The following DNM1 variants were observed in gnomAD, a reference collection of about 807,000 sequenced individuals.
DNM1 encodes the protein dynamin-1.
Under a neutral mutation model 104.6 loss-of-function variants are expected in DNM1, and 29 were observed. That is an observed-to-expected ratio of 0.28 (90% confidence interval 0.21 to 0.38). The LOEUF (loss-of-function observed/expected upper bound fraction) is 0.38, where lower values mean the gene tolerates loss of function less well. Among genes scored for constraint, DNM1 ranks in the 10% least tolerant of loss-of-function variants. The probability of loss-of-function intolerance (pLI) is 1.00; values close to 1 mark genes in which losing one functional copy is unlikely to be tolerated. For synonymous variants in DNM1, 445 were observed against 475.8 expected, an observed-to-expected ratio of 0.94 and a Z score of 0.84; for missense variants, 640 against 1,189.4, an observed-to-expected ratio of 0.54 and a Z score of 6.79.
chr9:128,211,562 T>G (rs1188186163), intron 1 of DNM1, among the ~76,000 whole-genome samples: 5 of 143,998 alleles, frequency 3.5e-5, no homozygotes, highest in East Asian at 2.2e-4. Context: ...TCAAGCCAGG[T>G]CTCAAACTCC....
Position 128,218,312 on chromosome 9 carries a change from C to T in DNM1, c.235+8C>T, listed in dbSNP as rs370555560. Reference sequence around the variant, plus strand: ...TGGTCAATGCAACCACAGGTACGTGCCCTCCTTCACCAGCAGCCAGGCCTG... The same window carrying T: ...TGGTCAATGCAACCACAGGTACGTGTCCTCCTTCACCAGCAGCCAGGCCTG... On this transcript the variant is annotated splice_region_variant and intron_variant, in intron 2 of 21. Coordinates refer to ENST00000372923, the MANE Select transcript of DNM1 (RefSeq NM_004408.4). This position sits in a 1 kb window ranked among gnomAD's most constrained non-coding sequence, Gnocchi z 4.8. 243 of 1,613,888 alleles carry T rather than the reference C, an allele frequency of 1.5e-4. No homozygotes were observed. Among genetic ancestry groups the T allele is most frequent in the Non-Finnish European group, 1.9e-4 (226 of 1,179,870 alleles).
chr9:128,217,370 A>G (rs901629212), intron 1 of DNM1, among the ~76,000 whole-genome samples: 1 of 152,168 alleles, frequency 6.6e-6, no homozygotes, highest in Non-Finnish European at 1.5e-5. Flanking sequence ...GAGCCCCACT[A>G]AGCGCCTGGC....
chr9:128,206,177 T>C (rs1193149781), intron 1 of DNM1, among the ~76,000 whole-genome samples: 1 of 152,014 alleles, frequency 6.6e-6, no homozygotes, highest in East Asian at 1.9e-4. Flanking sequence ...CTCCTGGGGC[T>C]TCCCAGGAGC....
intron 15 of DNM1, chr9:128,244,675 T>C (rs993242253): frequency 2.0e-6 from 1 of 502,704 alleles, no homozygotes; most frequent in Non-Finnish European, 4.2e-6. Context: ...GCTCCGGTTC[T>C]GGGATGGCAG....
rs1484030185 is a variant in DNM1, at chr9:128,220,001, C to T, written c.603C>T (p.Ile201=). 4 of 1,585,514 alleles carry T rather than the reference C, an allele frequency of 2.5e-6. No individual in the cohort carries two copies. The highest frequency in any genetic ancestry group is 2.7e-5 in the African/African-American group (2 of 74,254). Residue 201 remains isoleucine, a synonymous_variant, in exon 5 of 22, where the codon ATC becomes ATT. Coordinates refer to ENST00000372923, the MANE Select transcript of DNM1 (RefSeq NM_004408.4). The surrounding 1 kb of genome is among the most constrained non-coding windows in gnomAD (Gnocchi z 5.2). ...KEVDPQGQRT[I]GVITKLDLMD... The stretch of plus-strand genomic sequence containing the variant: ...TGGTGCACCCAGGCCAGCGCACCAT[C>T]GGGGTCATCACCAAGCTGGACCTGA...
In DNM1 at chr9:128,250,208, C is replaced by A. The variant is rs1386035686; in HGVS notation, c.2170C>A (p.Arg724=). 6.2e-7 allele frequency: 1 copy of A among 1,614,158 alleles called. No individual in the cohort carries two copies. Among genetic ancestry groups the A allele is most frequent in the South Asian group, 1.1e-5 (1 of 91,076 alleles). The change falls in exon 20 of 22, where the codon CGG becomes AGG. Residue 724 remains arginine, a synonymous_variant. Transcript: ENST00000372923. ...GGAGGAGTCGGCGGAGCAGGCACAG[C>A]GGCGCGACGAGATGCTGCGCATGTA... The part of the protein sequence containing the change: ...LMEESAEQAQ[R]RDEMLRMYHA...
At position 128,245,368 on chromosome 9, in the gene DNM1, C is replaced by T; in HGVS notation, c.1672-1026C>T. On this transcript the variant is annotated intron_variant, in intron 15 of 21. Transcript: ENST00000372923. The surrounding 1 kb of genome is among the most constrained non-coding windows in gnomAD (Gnocchi z 5.2). ...ATCCTAGGCAAGGCTCATGCCCAACCTCTTTGAGTCCCCGAGGCCCACACA... is the reference window on the plus strand; with the variant it reads ...ATCCTAGGCAAGGCTCATGCCCAACTTCTTTGAGTCCCCGAGGCCCACACA... Among the ~76,000 whole-genome samples, 2 of 151,988 alleles carry T rather than the reference C, an allele frequency of 1.3e-5. No individual in the cohort carries two copies. Among genetic ancestry groups the T allele is most frequent in the Non-Finnish European group, 2.9e-5 (2 of 67,954 alleles).
In DNM1 at chr9:128,234,162, G is replaced by T. The variant is rs1010318843; in HGVS notation, c.1422+55G>T. 3 of 1,416,172 alleles carry T rather than the reference G, an allele frequency of 2.1e-6. No individual in the cohort carries two copies. In the African/African-American group the frequency reaches 4.3e-5, roughly 20 times the overall value. The allele number at this position is 1,416,172 out of a possible 1,614,324, so 87.7% of individuals were successfully genotyped here. A position where few individuals can be genotyped will look rare whatever the true frequency, so the allele number is the denominator to read the frequency against. ...GCCTTCCTTCCACTCCTGGCCGCCT[G>T]CGCCTTCCACTCCTGGCCCTGGGGT... On this transcript the variant is annotated intron_variant, in intron 11 of 21. Transcript: ENST00000372923.
intron 10 of DNM1, among the ~76,000 whole-genome samples, chr9:128,231,653 A>G (rs1440039870): frequency 2.0e-5 from 3 of 152,308 alleles, no homozygotes; most frequent in South Asian, 2.1e-4. Flanking sequence ...ATGAGTGTTA[A>G]TAAGTGAACT....
chr9:128,207,377 G>A (rs1332046726), intron 1 of DNM1, among the ~76,000 whole-genome samples: 1 of 150,754 alleles, frequency 6.6e-6, no homozygotes, highest in African/African-American at 2.4e-5. Flanking sequence ...AGTGTAGATG[G>A]GGGAGTGTTT....
In DNM1 at chr9:128,220,726, AGT is replaced by A. The variant is rs1491295711; in HGVS notation, c.849+387_849+388del. On this transcript the variant is annotated intron_variant, in intron 6 of 21. Coordinates refer to ENST00000372923, the MANE Select transcript of DNM1 (RefSeq NM_004408.4). The surrounding 1 kb of genome is among the most constrained non-coding windows in gnomAD (Gnocchi z 5.2). ...TCTGGAATGGGGCATCCAGAACTGAAGTGCGCGCGCGCGCGCGTGTGTGTGTG... is the reference window on the plus strand; with the variant it reads ...TCTGGAATGGGGCATCCAGAACTGAAGCGCGCGCGCGCGCGTGTGTGTGTG... 0.23 allele frequency among the ~76,000 whole-genome samples: 30,577 copies of A among 132,932 alleles called. 4,569 individuals carry two copies. The highest frequency in any genetic ancestry group is 0.48 in the East Asian group (1,745 of 3,630). The allele number at this position is 132,932 out of a possible 152,430, so 87.2% of individuals were successfully genotyped here.
At position 128,218,308 on chromosome 9, in the gene DNM1, C is replaced by T. The variant is rs2131148809; in HGVS notation, c.235+4C>T. On this transcript the variant is annotated splice_donor_region_variant and intron_variant, in intron 2 of 21. Transcript: ENST00000372923. The surrounding 1 kb of genome is among the most constrained non-coding windows in gnomAD (Gnocchi z 4.8). ...CAGCTGGTCAATGCAACCACAGGTA[C>T]GTGCCCTCCTTCACCAGCAGCCAGG... 6.2e-7 allele frequency: 1 copy of T among 1,614,092 alleles called. No individual in the cohort carries two copies. Among genetic ancestry groups the T allele is most frequent in the Non-Finnish European group, 8.5e-7 (1 of 1,179,954 alleles).
intron 21 of DNM1, chr9:128,252,500 G>A: frequency 2.5e-6 from 1 of 399,942 alleles, no homozygotes; most frequent in South Asian, 1.9e-5. Flanking sequence ...TGCAGTGTGG[G>A]CAGAGGTGTA....
chr9:128,226,195 G>T lies in DNM1; in HGVS notation c.1335+1806G>T, dbSNP rs1564335787. 3.1e-6 allele frequency: 5 copies of T among 1,611,892 alleles called. No homozygotes were observed. The South Asian group carries it at 4.4e-5, about 14-fold the overall frequency. ...AAAGGTATGACGGCCGCCTGGGCGG[G>T]GCTGGGCCTGGCCGTCCATTCCTTG... On this transcript the variant is annotated intron_variant, in intron 10 of 21. Transcript: ENST00000372923.
intron 1 of DNM1, among the ~76,000 whole-genome samples, chr9:128,205,316 G>C (rs1833868391): frequency 6.6e-6 from 1 of 152,192 alleles, no homozygotes; most frequent in African/African-American, 2.4e-5. Context: ...GCTTGGGGTA[G>C]GGAGGGGACC....
At position 128,242,306 on chromosome 9, in the gene DNM1, G is replaced by A. The variant is rs1479913087; in HGVS notation, c.1632G>A (p.Val544=). The change falls in exon 15 of 22, where the codon GTG becomes GTA. Residue 544 remains valine, a synonymous_variant. Transcript: ENST00000372923. ...MKGGSKEYWF[V]LTAENLSWYK... is the part of the protein sequence containing the mutation. ...GGGGCTCCAAGGAGTACTGGTTTGTGCTGACTGCTGAGAATCTGTCCTGGT... is the reference window on the plus strand; with the variant it reads ...GGGGCTCCAAGGAGTACTGGTTTGTACTGACTGCTGAGAATCTGTCCTGGT... 6.2e-7 allele frequency: 1 copy of A among 1,611,670 alleles called. No individual in the cohort carries two copies.
chr9:128,207,499 C>T (rs1834040555), intron 1 of DNM1, among the ~76,000 whole-genome samples: 1 of 152,050 alleles, frequency 6.6e-6, no homozygotes, highest in African/African-American at 2.4e-5. Context: ...CCGCTACACC[C>T]CCCACCCCAG....
At chr9:128,228,626 G>A (rs552558142) in intron 10 of DNM1, among the ~76,000 whole-genome samples, 1 of 152,306 alleles carries the variant, frequency 6.6e-6, no homozygotes, top group East Asian at 1.9e-4. Context: ...AACAATCGCA[G>A]AGAAAGAAAA....
chr9:128,219,936 T>C, intron 4 of DNM1, 52 bp from the exon 5 acceptor site: 1 of 1,431,442 alleles, frequency 7.0e-7, no homozygotes, highest in South Asian at 1.3e-5. Flanking sequence ...TGCATGGAAT[T>C]GTGTGTGAGA....
Sources: gnomAD v4.1 joint callset for allele counts (sites outside exome capture counted in the v4.1 genomes callset) on GRCh38, gnomAD v4.1.1 for gene constraint, Gnocchi (gnomAD v3.1) non-coding constraint, MANE v1.5 for transcripts, NCBI Gene and HGNC (gene_info 2026-07-23, HGNC 2026-07-21) for gene names.